The following STARD9 variants were observed in gnomAD, a reference collection of about 807,000 sequenced individuals.
STARD9 encodes stAR-related lipid transfer protein 9.
STARD9 carries 346 observed loss-of-function variants against 399.8 expected under a neutral mutation model. That is an observed-to-expected ratio of 0.87 (90% CI 0.79 to 0.95). The LOEUF (loss-of-function observed/expected upper bound fraction) is 0.95. STARD9 is among the 40% of genes least tolerant of loss of function. STARD9 has a pLI of 0.00. For synonymous variants in STARD9, 2,203 were observed against 2,143.5 expected, an observed-to-expected ratio of 1.03 and a Z score of -0.77; for missense variants, 5,832 against 5,667.5, an observed-to-expected ratio of 1.03 and a Z score of -0.93.
chr15:42,661,295 C>T, intron 10 of STARD9, 70 bp downstream of exon 10: 1 of 1,042,686 alleles, frequency 9.6e-7, no homozygotes, highest in South Asian at 1.4e-5. Flanking sequence ...TAAGCTGTTC[C>T]AATCTTTTTC....
At chr15:42,664,677 GT>G (rs917659078) in intron 13 of STARD9, among the ~76,000 whole-genome samples, 47 of 152,182 alleles carry the variant, frequency 3.1e-4, no homozygotes, top group African/African-American at 1.1e-3. Flanking sequence ...TTATGCCTGT[GT>G]TTTTTTATGC....
chr15:42,583,287 G>A, intron 1 of STARD9, 59 bp from the exon 2 acceptor site: 1 of 1,332,914 alleles, frequency 7.5e-7, no homozygotes, highest in Non-Finnish European at 1.0e-6. Flanking sequence ...ACTGGTTTTA[G>A]GCTCTTTTTT....
chr15:42,599,678 A>C (rs1397798835), intron 3 of STARD9, among the ~76,000 whole-genome samples: 1 of 152,232 alleles, frequency 6.6e-6, no homozygotes, highest in Admixed American at 6.5e-5. Context: ...TTGAAGGCAG[A>C]CTAGGTCTCA....
intron 3 of STARD9, among the ~76,000 whole-genome samples, chr15:42,588,801 T>G (rs2058336237): frequency 2.2e-5 from 1 of 44,952 alleles, no homozygotes; most frequent in African/African-American, 5.3e-5. Flanking sequence ...TTTTTTTTTT[T>G]TTTTTTTTTT....
intron 26 of STARD9, among the ~76,000 whole-genome samples, chr15:42,715,139 G>C (rs2061327591): frequency 6.6e-6 from 1 of 151,718 alleles, no homozygotes; most frequent in South Asian, 2.1e-4. Flanking sequence ...GATTCTGTCA[G>C]TGAAAGGGAG....
Position 42,693,777 on chromosome 15 carries a change from G to A in STARD9, c.12199G>A (p.Gly4067Arg), listed in dbSNP as rs775083681. 9.8e-6 allele frequency: 15 copies of A among 1,536,416 alleles called. No homozygotes were observed. The East Asian group carries it at 2.9e-4, about 30-fold the overall frequency. ...ENGGESSASP[G>R]EPQRTLDRPS... ...TGGAGGTGAGAGTTCAGCATCTCCAGGGGAACCACAACGCACTCTGGACCG... is the reference window on the plus strand; with the variant it reads ...TGGAGGTGAGAGTTCAGCATCTCCAAGGGAACCACAACGCACTCTGGACCG... Residue 4067 changes from glycine to arginine, a missense_variant, in exon 23 of 33, where the codon GGG becomes AGG. Coordinates refer to ENST00000290607, the MANE Select transcript of STARD9 (RefSeq NM_020759.3).
intron 3 of STARD9, among the ~76,000 whole-genome samples, chr15:42,622,597 G>T (rs1362134501): frequency 6.6e-6 from 1 of 152,108 alleles, no homozygotes; most frequent in East Asian, 1.9e-4. Context: ...AAGGGGTGGG[G>T]CAGAGAGATT....
rs868292168 is a variant in STARD9, at chr15:42,715,624, G to C, written c.13285-1053G>C. 2.6e-5 allele frequency among the ~76,000 whole-genome samples: 4 copies of C among 151,606 alleles called. No homozygotes were observed. In the South Asian group the frequency reaches 6.3e-4, roughly 24 times the overall value. ...CAACCTCTGCGTCCTGGGCTCAAGC[G>C]ATTCTCTCAAGTAGCTGGGATTACA... On this transcript the variant is annotated intron_variant, in intron 26 of 32. Coordinates refer to ENST00000290607, the MANE Select transcript of STARD9 (RefSeq NM_020759.3).
At chr15:42,607,342 A>G (rs2058751116) in intron 3 of STARD9, among the ~76,000 whole-genome samples, 1 of 151,430 alleles carries the variant, frequency 6.6e-6, no homozygotes, top group African/African-American at 2.4e-5. Context: ...AGCTGGGACT[A>G]CAGGCATGCA....
intron 3 of STARD9, among the ~76,000 whole-genome samples, chr15:42,593,385 G>C (rs953250814): frequency 6.6e-6 from 1 of 152,092 alleles, no homozygotes; most frequent in Non-Finnish European, 1.5e-5. Context: ...ACCCACCAGG[G>C]CCTGAAAGTG....
chr15:42,694,462 G>A (rs1173152878), intron 23 of STARD9, 66 bp from the exon 24 acceptor site: 3 of 1,522,668 alleles, frequency 2.0e-6, no homozygotes, highest in Admixed American at 2.0e-5. Context: ...TCTTCCAGGG[G>A]TCAGAGATAG....
intron 9 of STARD9, among the ~76,000 whole-genome samples, chr15:42,660,762 A>G (rs753944716): frequency 7.2e-5 from 11 of 152,118 alleles, no homozygotes; most frequent in Non-Finnish European, 1.6e-4. Context: ...GAGGTTAGGA[A>G]GAGACCATCA....
rs148380785 is a variant in STARD9 at position 42,576,180 on chromosome 15, C to G, written c.47+418C>G. On this transcript the variant is annotated intron_variant, in intron 1 of 32. Transcript: ENST00000290607. The stretch of plus-strand genomic sequence containing the variant: ...TGTTTCTGGGTGCGCGTGGGCTTCT[C>G]TGCGAAGATGTGGAGAAAGCAGAAG... Among the ~76,000 whole-genome samples the G allele has an allele frequency of 9.4e-4, 143 of 152,270 alleles. 1 individual carries two copies. Among genetic ancestry groups the G allele is most frequent in the African/African-American group, 3.2e-3 (135 of 41,544 alleles).
chr15:42,662,753 T>G, intron 10 of STARD9, 41 bp from the exon 11 acceptor site: 1 of 1,313,990 alleles, frequency 7.6e-7, no homozygotes, highest in Non-Finnish European at 1.1e-6. Context: ...AGATAGTGTC[T>G]TATTTGCTTT....
At position 42,684,181 on chromosome 15, in the gene STARD9, C is replaced by A; in HGVS notation, c.2603C>A (p.Ser868Ter). Residue 868 changes from serine to a stop codon, truncating the protein, a stop_gained, in exon 23 of 33, where the codon TCA becomes TAA. Coordinates refer to ENST00000290607, the MANE Select transcript of STARD9 (RefSeq NM_020759.3). LOFTEE classifies it high-confidence loss of function. ...AGGCCTGACCCTACACACCAAACAT[C>A]AGAGAAAACATCATCAGAAGAGCAT... ...PPRPDPTHQT[S>*]EKTSSEEHLP... 6.5e-7 allele frequency: 1 copy of A among 1,537,236 alleles called. No homozygotes were observed. Among genetic ancestry groups the A allele is most frequent in the Non-Finnish European group, 8.7e-7 (1 of 1,146,872 alleles).
In STARD9 at chr15:42,712,089, A is replaced by AT. The variant is rs1463569497; in HGVS notation, c.13285-4587dup. On this transcript the variant is annotated intron_variant, in intron 26 of 32. Transcript: ENST00000290607. ...TTATATATATATATATATTATATAT[A>AT]TATATATAATATATAATATATAATA... is the stretch of plus-strand genomic sequence containing the variant. Among the ~76,000 whole-genome samples, 25 of 8,510 alleles carry AT rather than the reference A, an allele frequency of 2.9e-3. 2 individuals carry two copies. Among genetic ancestry groups the AT allele is most frequent in the African/African-American group, 0.026 (16 of 618 alleles). 5.6% of individuals were successfully genotyped at this position (8,510 alleles called of 152,430 possible). A position where few individuals can be genotyped will look rare whatever the true frequency, so the allele number is the denominator to read the frequency against.
rs1202393773 is a variant in STARD9, at chr15:42,689,033, G to A, written c.7455G>A (p.Gln2485=). The change falls in exon 23 of 33, where the codon CAG becomes CAA. Residue 2485 remains glutamine, a synonymous_variant. Coordinates refer to ENST00000290607, the MANE Select transcript of STARD9 (RefSeq NM_020759.3). ...RVSSLNKVSS[Q]PEKRVSFSLE... The stretch of plus-strand genomic sequence containing the variant: ...GTTCACTGAACAAGGTCTCTAGCCA[G>A]CCTGAAAAGAGGGTCAGCTTCTCCT... 6.5e-7 allele frequency: 1 copy of A among 1,537,188 alleles called. No individual in the cohort carries two copies. Among genetic ancestry groups the A allele is most frequent in the Non-Finnish European group, 8.7e-7 (1 of 1,146,938 alleles).
Position 42,691,678 on chromosome 15 carries a change from C to A in STARD9, c.10100C>A (p.Ser3367Tyr), listed in dbSNP as rs371868601. 62 of 1,537,120 alleles carry A rather than the reference C, an allele frequency of 4.0e-5. No homozygotes were observed. The African/African-American group carries it at 8.4e-4, about 21-fold the overall frequency. ...RLWNPHLRGY[S>Y]SGKSVARTSL... is the part of the protein sequence containing the mutation. ...TGGAACCCACATCTCAGGGGCTATT[C>A]CTCAGGAAAGTCAGTGGCAAGAACA... is the stretch of plus-strand genomic sequence containing the variant. The change falls in exon 23 of 33, where the codon TCC becomes TAC. Residue 3367 changes from serine to tyrosine, a missense_variant. Ser to Tyr is a moderately radical substitution (Grantham distance 144). This residue lies in a region of STARD9 where 5,828 missense variants were observed against 5,651.1 expected (regional missense o/e 1.03). Transcript: ENST00000290607.
intron 12 of STARD9, 88 bp from the exon 13 acceptor site, chr15:42,663,732 T>G: frequency 9.6e-7 from 1 of 1,045,110 alleles, no homozygotes; most frequent in Admixed American, 2.0e-5. Context: ...AGGGGTCTTA[T>G]ACAGCATGGG....
Sources: gnomAD v4.1 joint callset for allele counts (sites outside exome capture counted in the v4.1 genomes callset) on GRCh38, gnomAD v4.1.1 for gene constraint, gnomAD v4.1.1 regional missense constraint, MANE v1.5 for transcripts, NCBI Gene and HGNC (gene_info 2026-07-23, HGNC 2026-07-21) for gene names.